TAFA5: variants seen among roughly 807,000 people sequenced by gnomAD.
TAFA5 encodes TAFA chemokine like family member 5, also known as chemokine-like protein TAFA-5.
Under a neutral mutation model 15.3 loss-of-function variants are expected in TAFA5, and 6 were observed. The observed-to-expected ratio is 0.39, with a 90% CI of 0.21 to 0.77. The LOEUF is 0.77. Among genes scored for constraint, TAFA5 ranks in the 30% least tolerant of loss-of-function variants. The pLI is 0.41. For synonymous variants in TAFA5, 103 were observed against 80.7 expected (o/e 1.28, Z -1.48); for missense variants, 161 against 193.1 (o/e 0.83, Z 0.98).
intron 3 of TAFA5, among the ~76,000 whole-genome samples, chr22:48,710,248 G>A (rs907699470): frequency 5.9e-5 from 9 of 152,146 alleles, no homozygotes; most frequent in Non-Finnish European, 1.2e-4. Context: ...TATGCAGGGC[G>A]CACACTGGTA....
chr22:48,666,733 C>T (rs56903512), intron 2 of TAFA5, among the ~76,000 whole-genome samples: 59,463 of 151,840 alleles, frequency 0.39, 11,973 homozygotes, highest in East Asian at 0.53. Context: ...CTTGTCGGAG[C>T]GGGTTTCACA....
chr22:48,643,647 T>G (rs1229073264), intron 1 of TAFA5, among the ~76,000 whole-genome samples: 2 of 152,196 alleles, frequency 1.3e-5, no homozygotes, highest in Non-Finnish European at 2.9e-5. Context: ...GCTTAGTGAC[T>G]AGGCTCAGCA....
intron 2 of TAFA5, among the ~76,000 whole-genome samples, chr22:48,656,724 TCTCATTTTTTTTTCTTTTGAGATGGA>T (rs1927258933): frequency 3.3e-5 from 2 of 60,866 alleles, no homozygotes; most frequent in African/African-American, 7.7e-5. Context: ...TGAGATGGAG[TCTCATTTTTTTTTCTTTTGAGATGGA>T]GTCTCTTTTT....
intron 2 of TAFA5, among the ~76,000 whole-genome samples, chr22:48,692,209 C>T (rs372478111): frequency 6.6e-6 from 1 of 152,106 alleles, no homozygotes; most frequent in African/African-American, 2.4e-5. Context: ...CTCCAGCCTG[C>T]AGGATGTCAG....
rs528300443 is a variant in TAFA5, at chr22:48,560,090, C to A, written c.112+70386C>A. Among the ~76,000 whole-genome samples, 1 of 152,310 alleles carries A rather than the reference C, an allele frequency of 6.6e-6. No individual in the cohort carries two copies. The highest frequency in any genetic ancestry group is 2.1e-4 in the South Asian group (1 of 4,828). ...GCTGCCCTGGCCACCGATGCCTTCG[C>A]AGCATAGGATTTGGGGACCTCCACG... On this transcript the variant is annotated intron_variant, in intron 1 of 3. Transcript: ENST00000402357. The surrounding 1 kb of genome is among the most constrained non-coding windows in gnomAD (Gnocchi z 4.2).
At chr22:48,588,356 C>T (rs371345611) in intron 1 of TAFA5, among the ~76,000 whole-genome samples, 34 of 152,282 alleles carry the variant, frequency 2.2e-4, no homozygotes, top group African/African-American at 7.5e-4. Flanking sequence ...TCTCGGCGGC[C>T]GCCCGAGAAC....
chr22:48,678,242 C>T (rs1928037728), intron 2 of TAFA5, among the ~76,000 whole-genome samples: 1 of 152,202 alleles, frequency 6.6e-6, no homozygotes, highest in South Asian at 2.1e-4. Flanking sequence ...GCTATAAGGG[C>T]CCCCAGGGAG....
At chr22:48,577,737 C>CT (rs1923870575) in intron 1 of TAFA5, among the ~76,000 whole-genome samples, 1 of 152,210 alleles carries the variant, frequency 6.6e-6, no homozygotes, top group South Asian at 2.1e-4. Flanking sequence ...CCCTCCCTTG[C>CT]TTTTGGATGT....
At chr22:48,605,684 C>T (rs116601604) in intron 1 of TAFA5, among the ~76,000 whole-genome samples, 1,911 of 152,266 alleles carry the variant, frequency 0.013, 29 homozygotes, top group Middle Eastern at 0.044. Flanking sequence ...CCTGGGAGGC[C>T]TCTAAATTTG....
intron 1 of TAFA5, among the ~76,000 whole-genome samples, chr22:48,630,530 C>T (rs1371641455): frequency 3.3e-5 from 5 of 152,182 alleles, no homozygotes; most frequent in Non-Finnish European, 5.9e-5. Flanking sequence ...CAGCCTCGCT[C>T]GGGCCCAGGG....
Position 48,552,272 on chromosome 22 carries a change from C to A in TAFA5, c.112+62568C>A, listed in dbSNP as rs914704690. Among the ~76,000 whole-genome samples the A allele has an allele frequency of 1.3e-5, 2 of 152,182 alleles. No individual in the cohort carries two copies. The highest frequency in any genetic ancestry group is 4.8e-5 in the African/African-American group (2 of 41,458). On this transcript the variant is annotated intron_variant, in intron 1 of 3. Coordinates refer to ENST00000402357, the MANE Select transcript of TAFA5 (RefSeq NM_001082967.3). This position sits in a 1 kb window ranked among gnomAD's most constrained non-coding sequence, Gnocchi z 4.1. ...CCTTTGCTTGCTGGTGTCCTGGTGC[C>A]TGGCTGCTGTCACCCAGGAGTTGGG...
intron 1 of TAFA5, among the ~76,000 whole-genome samples, chr22:48,506,211 C>A (rs1388969203): frequency 6.6e-6 from 1 of 152,204 alleles, no homozygotes; most frequent in African/African-American, 2.4e-5. Context: ...GTCTCCATGA[C>A]CTTTCATGAC....
chr22:48,726,771 C>G (rs1287460156), intron 3 of TAFA5, among the ~76,000 whole-genome samples: 1 of 152,212 alleles, frequency 6.6e-6, no homozygotes, highest in African/African-American at 2.4e-5. Context: ...AAAAAGCTTG[C>G]AGTTTATATG....
intron 1 of TAFA5, among the ~76,000 whole-genome samples, chr22:48,582,924 C>T (rs974244303): frequency 7.4e-5 from 11 of 148,516 alleles, no homozygotes; most frequent in Admixed American, 3.3e-4. Flanking sequence ...ACACCACACA[C>T]GCCACACACG....
chr22:48,701,273 G>A (rs747235163), intron 2 of TAFA5, among the ~76,000 whole-genome samples: 20 of 152,224 alleles, frequency 1.3e-4, no homozygotes, highest in Middle Eastern at 3.4e-3. Context: ...CCCTGCATGC[G>A]TGTCCTCCAG....
rs867240052 is a variant in TAFA5 at position 48,530,156 on chromosome 22, C to T, written c.112+40452C>T. Reference sequence around the variant, plus strand: ...TGTACCACCTGCTCTGTCTCCATGGCGACTCGAGGAGGAGGAGGCTGGGCC... The same window carrying T: ...TGTACCACCTGCTCTGTCTCCATGGTGACTCGAGGAGGAGGAGGCTGGGCC... On this transcript the variant is annotated intron_variant, in intron 1 of 3. Transcript: ENST00000402357. This position sits in a 1 kb window ranked among gnomAD's most constrained non-coding sequence, Gnocchi z 6.0. 1.3e-5 allele frequency among the ~76,000 whole-genome samples: 2 copies of T among 152,090 alleles called. No individual in the cohort carries two copies. Among genetic ancestry groups the T allele is most frequent in the Non-Finnish European group, 1.5e-5 (1 of 68,010 alleles).
intron 1 of TAFA5, among the ~76,000 whole-genome samples, chr22:48,494,772 A>G (rs922438521): frequency 6.6e-6 from 1 of 152,226 alleles, no homozygotes. Context: ...GCAGCAGCAC[A>G]AGCTGCCTCG....
chr22:48,560,248 G>C lies in TAFA5; in HGVS notation c.112+70544G>C, dbSNP rs115047774. On this transcript the variant is annotated intron_variant, in intron 1 of 3. Coordinates refer to ENST00000402357, the MANE Select transcript of TAFA5 (RefSeq NM_001082967.3). The surrounding 1 kb of genome is among the most constrained non-coding windows in gnomAD (Gnocchi z 4.2). ...TGTGGCTGAGGCGTCTGTCCCTGTCGTGCGCCCAGGCTGGTGCCGTCAGGC... is the reference window on the plus strand; with the variant it reads ...TGTGGCTGAGGCGTCTGTCCCTGTCCTGCGCCCAGGCTGGTGCCGTCAGGC... 1.3e-5 allele frequency among the ~76,000 whole-genome samples: 2 copies of C among 152,216 alleles called. No individual in the cohort carries two copies. Among genetic ancestry groups the C allele is most frequent in the Non-Finnish European group, 2.9e-5 (2 of 68,032 alleles).
chr22:48,643,147 G>A (rs116378921), intron 1 of TAFA5, among the ~76,000 whole-genome samples: 3,858 of 152,326 alleles, frequency 0.025, 75 homozygotes, highest in Admixed American at 0.043. Context: ...CAGAAAGACT[G>A]AGAGGCACTG....
Sources: gnomAD v4.1 joint callset for allele counts (sites outside exome capture counted in the v4.1 genomes callset) on GRCh38, gnomAD v4.1.1 for gene constraint, Gnocchi (gnomAD v3.1) non-coding constraint, MANE v1.5 for transcripts, NCBI Gene and HGNC (gene_info 2026-07-23, HGNC 2026-07-21) for gene names.